The following GABRR3 variants were observed in gnomAD, a reference collection of about 807,000 sequenced individuals.
The protein encoded by GABRR3 is gamma-aminobutyric acid receptor subunit rho-3.
Under a neutral mutation model 43.2 loss-of-function variants are expected in GABRR3, and 29 were observed. That is an observed-to-expected ratio of 0.67 (90% CI 0.50 to 0.92). GABRR3 has a LOEUF of 0.92. Among genes scored for constraint, GABRR3 ranks in the 40% least tolerant of loss-of-function variants. GABRR3 has a pLI of 0.00. For synonymous variants in GABRR3, 206 were observed against 195.9 expected, an observed-to-expected ratio of 1.05 and a Z score of -0.43; for missense variants, 576 against 572.3, an observed-to-expected ratio of 1.01 and a Z score of -0.07.
At chr3:97,987,070 G>A (rs1421331547) in intron 9 of GABRR3, 88 bp from the exon 10 acceptor site, 3 of 945,462 alleles carry the variant, frequency 3.2e-6, no homozygotes, top group East Asian at 5.4e-5. Flanking sequence ...AGTTAAATAT[G>A]ATTTATCAGA....
intron 2 of GABRR3, among the ~76,000 whole-genome samples, chr3:98,027,048 T>G (rs566335779): frequency 1.3e-5 from 2 of 152,312 alleles, no homozygotes; most frequent in Non-Finnish European, 2.9e-5. Context: ...AGCCATTATA[T>G]CCTATGAATA....
At chr3:98,034,830 G>A (rs1198621041) in intron 2 of GABRR3, 33 bp downstream of exon 2, 3 of 1,609,134 alleles carry the variant, frequency 1.9e-6, no homozygotes, top group South Asian at 2.2e-5. Flanking sequence ...AAACTGGGCA[G>A]TAATTCCATG....
chr3:98,009,606 G>T (rs1706763172), intron 5 of GABRR3, among the ~76,000 whole-genome samples: 1 of 152,290 alleles, frequency 6.6e-6, no homozygotes, highest in South Asian at 2.1e-4. Context: ...GATGAGAACG[G>T]TTTTTTCAAA....
intron 5 of GABRR3, among the ~76,000 whole-genome samples, chr3:98,010,089 C>G (rs1706769034): frequency 6.6e-6 from 1 of 152,164 alleles, no homozygotes; most frequent in Admixed American, 6.5e-5. Flanking sequence ...TTTTGAGTTC[C>G]TCCTGTGTTA....
intron 2 of GABRR3, among the ~76,000 whole-genome samples, chr3:98,033,129 C>T (rs1707110923): frequency 6.6e-6 from 1 of 152,180 alleles, no homozygotes; most frequent in African/African-American, 2.4e-5. Context: ...GGGTTTCATT[C>T]TAAGTGGCTA....
intron 4 of GABRR3, among the ~76,000 whole-genome samples, 189 bp from the exon 5 acceptor site, chr3:98,012,756 G>A (rs536711021): frequency 1.3e-5 from 2 of 152,144 alleles, no homozygotes; most frequent in African/African-American, 4.8e-5. Context: ...CCTTCACATG[G>A]AGCCTAGTGA....
Position 97,994,206 on chromosome 3 carries a change from G to A in GABRR3, c.908-1158C>T, listed in dbSNP as rs538265254. 2.0e-5 allele frequency among the ~76,000 whole-genome samples: 3 copies of A among 152,292 alleles called. No individual in the cohort carries two copies. In the South Asian group the frequency reaches 6.2e-4, roughly 32 times the overall value. On this transcript the variant is annotated intron_variant, in intron 8 of 9. Coordinates refer to ENST00000621172, the Ensembl canonical transcript of GABRR3. ...TCCTAAATGTACAGCCACAGCATGT[G>A]GACTGCTTTCACCAACACCTTTCTA...
intron 2 of GABRR3, among the ~76,000 whole-genome samples, chr3:98,034,090 T>C (rs1315960472): frequency 6.6e-6 from 1 of 152,098 alleles, no homozygotes; most frequent in Admixed American, 6.6e-5. Flanking sequence ...AATTTCTCCT[T>C]TTGGGTCTTT....
intron 2 of GABRR3, among the ~76,000 whole-genome samples, chr3:98,031,103 G>T (rs1707081587): frequency 6.6e-6 from 1 of 152,124 alleles, no homozygotes; most frequent in South Asian, 2.1e-4. Context: ...CTGAACTCTG[G>T]AAATACATAC....
At chr3:98,025,490 G>T in intron 3 of GABRR3, 77 bp downstream of exon 3, 3 of 883,440 alleles carry the variant, frequency 3.4e-6, no homozygotes, top group Non-Finnish European at 5.1e-6. Flanking sequence ...CTTGCATTTT[G>T]GTCTTGTTTT....
intron 8 of GABRR3, among the ~76,000 whole-genome samples, chr3:97,996,039 CT>C (rs1206313487): frequency 1.3e-5 from 2 of 152,100 alleles, no homozygotes; most frequent in African/African-American, 2.4e-5. Flanking sequence ...ACCCTTTAGT[CT>C]GGGGGGAATT....
intron 3 of GABRR3, among the ~76,000 whole-genome samples, chr3:98,024,787 T>C (rs1201309399): frequency 6.6e-6 from 1 of 152,228 alleles, no homozygotes; most frequent in Non-Finnish European, 1.5e-5. Flanking sequence ...CCAGAGAGTT[T>C]AACCTGATGA....
At chr3:98,004,233 A>G (rs9990232) in intron 7 of GABRR3, among the ~76,000 whole-genome samples, 112,522 of 152,078 alleles carry the variant, frequency 0.74, 42,272 homozygotes, top group East Asian at 0.99. Flanking sequence ...TGATGATGAC[A>G]GCTACTAACT....
intron 7 of GABRR3, among the ~76,000 whole-genome samples, chr3:98,005,210 A>AACACACACACACAC (rs60490447): frequency 6.8e-6 from 1 of 148,026 alleles, no homozygotes. Flanking sequence ...CTAGGCTTTT[A>AACACACACACACAC]ACACACACAC....
intron 8 of GABRR3, among the ~76,000 whole-genome samples, chr3:97,997,054 A>G (rs1344354837): frequency 6.6e-6 from 1 of 152,188 alleles, no homozygotes; most frequent in Non-Finnish European, 1.5e-5. Context: ...TAGTGGTCCT[A>G]GTCCTTAAGG....
intron 2 of GABRR3, among the ~76,000 whole-genome samples, chr3:98,034,587 A>G (rs1707128527): frequency 1.3e-5 from 2 of 152,298 alleles, no homozygotes; most frequent in African/African-American, 4.8e-5. Context: ...GAAGAAATAC[A>G]TTCTCTGAAA....
intron 7 of GABRR3, among the ~76,000 whole-genome samples, chr3:98,002,879 C>T (rs534070424): frequency 5.9e-5 from 9 of 152,226 alleles, no homozygotes; most frequent in Admixed American, 2.6e-4. Flanking sequence ...CCCAAGACGG[C>T]AAACCTATTA....
At chr3:97,994,758 T>A (rs1706514143) in intron 8 of GABRR3, among the ~76,000 whole-genome samples, 1 of 152,154 alleles carries the variant, frequency 6.6e-6, no homozygotes, top group South Asian at 2.1e-4. Flanking sequence ...AAATAGAAGC[T>A]CAGAGTGGCT....
At chr3:98,023,202 C>G (rs1706973374) in intron 3 of GABRR3, among the ~76,000 whole-genome samples, 1 of 152,154 alleles carries the variant, frequency 6.6e-6, no homozygotes, top group Non-Finnish European at 1.5e-5. Context: ...GGTTCAAGGT[C>G]TACATTCAAG....
Sources: allele counts gnomAD v4.1 joint callset (sites outside exome capture counted in the v4.1 genomes callset), GRCh38; gene constraint gnomAD v4.1.1; transcripts MANE v1.5; gene names NCBI Gene and HGNC (gene_info 2026-07-23, HGNC 2026-07-21).